VDAC1: variants seen among roughly 807,000 people sequenced by gnomAD.
The protein encoded by VDAC1 is non-selective voltage-gated ion channel VDAC1.
VDAC1 carries 10 observed loss-of-function variants against 34.7 expected under a neutral mutation model. The observed-to-expected ratio is 0.29, with a 90% CI of 0.18 to 0.49. The LOEUF (loss-of-function observed/expected upper bound fraction) is 0.49. VDAC1 is among the 20% of genes least tolerant of loss of function. VDAC1 has a pLI of 0.99. For synonymous variants in VDAC1, 130 were observed against 136.0 expected (o/e 0.96, Z 0.30); for missense variants, 230 against 347.9 (o/e 0.66, Z 2.69).
rs1204836648 is a variant in VDAC1 at position 133,980,924 on chromosome 5, T to C, written c.356A>G (p.Lys119Arg). 3 of 1,614,098 alleles carry C rather than the reference T, an allele frequency of 1.9e-6. No individual in the cohort carries two copies. In the Admixed American group the frequency reaches 5.0e-5, roughly 27 times the overall value. Residue 119 changes from lysine (K) to arginine (R), a missense_variant, in exon 6 of 9, where the codon AAG becomes AGG. Transcript: ENST00000265333. Reference protein sequence around the residue: ...KKNAKIKTGYKREHINLGCDM... With the variant: ...KKNAKIKTGYRREHINLGCDM... ...GCAGCCCAGGTTAATGTGCTCCCGC[T>C]TGTACCCTGTCTTGATTTTAGCATT...
chr5:134,080,048 G>A, the VDAC1 span, among the ~76,000 whole-genome samples: 13 of 152,236 alleles, frequency 8.5e-5, no homozygotes, highest in Admixed American at 3.9e-4. Context: ...TACAGGGGAC[G>A]TGAGGCCCGG....
Position 133,972,355 on chromosome 5 carries a change from C to A in VDAC1, c.*416G>T, listed in dbSNP as rs1200769289. 1.1e-5 allele frequency: 4 copies of A among 358,508 alleles called. No individual in the cohort carries two copies. Among genetic ancestry groups the A allele is most frequent in the Non-Finnish European group, 2.0e-5 (4 of 201,228 alleles). The allele number at this position is 358,508 out of a possible 1,614,324, so 22.2% of individuals were successfully genotyped here. A position where few individuals can be genotyped will look rare whatever the true frequency, so the allele number is the denominator to read the frequency against. ...AAGATCTGTCTAAAAAAGTCCCATT[C>A]AGGTGAGTTTGTACACACCATCAAG... On this transcript the variant is annotated 3_prime_UTR_variant, in exon 9 of 9. Transcript: ENST00000265333.
the VDAC1 span, among the ~76,000 whole-genome samples, chr5:134,029,917 A>G: frequency 2.0e-5 from 3 of 152,254 alleles, no homozygotes; most frequent in Non-Finnish European, 4.4e-5. Flanking sequence ...ACTAACATCA[A>G]CTTCCTGGTT....
the VDAC1 span, among the ~76,000 whole-genome samples, chr5:134,092,432 G>A: frequency 1.3e-5 from 2 of 152,122 alleles, no homozygotes; most frequent in African/African-American, 4.8e-5. Context: ...CGGGGCACAG[G>A]CCAGCCTTGA....
the VDAC1 span, among the ~76,000 whole-genome samples, chr5:134,038,042 G>A: frequency 1.3e-5 from 2 of 152,150 alleles, no homozygotes; most frequent in Non-Finnish European, 2.9e-5. Flanking sequence ...GCCAAAGACT[G>A]GGGAAATTAT....
chr5:134,091,278 C>T, the VDAC1 span, among the ~76,000 whole-genome samples: 4 of 152,258 alleles, frequency 2.6e-5, no homozygotes, highest in African/African-American at 9.6e-5. Flanking sequence ...CCTGTCCCAC[C>T]CACATCCTTC....
chr5:134,059,557 G>A, the VDAC1 span, among the ~76,000 whole-genome samples: 2 of 152,054 alleles, frequency 1.3e-5, no homozygotes, highest in Non-Finnish European at 2.9e-5. Context: ...CCGTCGCGCT[G>A]TTTCATGAGC....
At chr5:134,007,670 A>G (rs1320346805), upstream of VDAC1, among the ~76,000 whole-genome samples, 1 of 152,166 alleles carries the variant, frequency 6.6e-6, no homozygotes, top group Non-Finnish European at 1.5e-5. Flanking sequence ...TGAGTATGGC[A>G]GAGGGGAAAA....
At chr5:134,068,097 G>A in the VDAC1 span, among the ~76,000 whole-genome samples, 1 of 151,848 alleles carries the variant, frequency 6.6e-6, no homozygotes, top group Non-Finnish European at 1.5e-5. Context: ...CAGCCTGGGC[G>A]ACAGAGGGAG....
the VDAC1 span, among the ~76,000 whole-genome samples, chr5:134,092,137 G>A: frequency 7.2e-5 from 11 of 152,194 alleles, no homozygotes; most frequent in Non-Finnish European, 1.2e-4. Flanking sequence ...TTACTAAGTG[G>A]TAGAGTGGGG....
chr5:134,078,931 G>T, the VDAC1 span, among the ~76,000 whole-genome samples: 2 of 151,288 alleles, frequency 1.3e-5, no homozygotes, highest in Non-Finnish European at 2.9e-5. Context: ...GATTACAGGC[G>T]TGAGCCACTG....
intron 5 of VDAC1, among the ~76,000 whole-genome samples, chr5:133,983,124 C>T (rs985755260): frequency 6.6e-6 from 1 of 151,728 alleles, no homozygotes; most frequent in Non-Finnish European, 1.5e-5. Context: ...TGGCCCATGC[C>T]TGTAATCCCA....
intron 1 of VDAC1, among the ~76,000 whole-genome samples, chr5:133,997,468 T>C (rs1291333687): frequency 1.3e-5 from 2 of 150,082 alleles, no homozygotes; most frequent in African/African-American, 2.5e-5. Context: ...GAGGCTGAGG[T>C]GGGCGGATCA....
the VDAC1 span, among the ~76,000 whole-genome samples, chr5:134,042,406 G>T: frequency 7.2e-5 from 11 of 152,214 alleles, no homozygotes; most frequent in Non-Finnish European, 2.9e-5. Context: ...GGGTGCCCAG[G>T]CTAGGTGACC....
chr5:134,004,701 G>A (rs1257104536), intron 1 of VDAC1, 194 bp downstream of exon 1: 3 of 151,638 alleles, frequency 2.0e-5, no homozygotes. Flanking sequence ...CTGCGACGCG[G>A]AGGCAGGGAG....
At chr5:134,083,060 C>A in the VDAC1 span, among the ~76,000 whole-genome samples, 1 of 151,992 alleles carries the variant, frequency 6.6e-6, no homozygotes, top group Non-Finnish European at 1.5e-5. Flanking sequence ...GCAATGGATG[C>A]AGATTTAGAT....
At chr5:134,086,480 G>A in the VDAC1 span, among the ~76,000 whole-genome samples, 1 of 152,176 alleles carries the variant, frequency 6.6e-6, no homozygotes, top group Non-Finnish European at 1.5e-5. Context: ...GAGACTCTGG[G>A]CCACTTAGCA....
chr5:134,051,050 C>G, the VDAC1 span, among the ~76,000 whole-genome samples: 10 of 152,330 alleles, frequency 6.6e-5, no homozygotes, highest in African/African-American at 2.2e-4. Context: ...GGGCACCTGG[C>G]CCGGGGAACC....
the VDAC1 span, among the ~76,000 whole-genome samples, chr5:134,113,519 T>C: frequency 6.6e-6 from 1 of 152,146 alleles, no homozygotes; most frequent in East Asian, 1.9e-4. Context: ...AGGCGTCCAA[T>C]ACCCGGCCCT....
Sources: gnomAD v4.1 joint callset for allele counts (sites outside exome capture counted in the v4.1 genomes callset) on GRCh38, gnomAD v4.1.1 for gene constraint, MANE v1.5 for transcripts, NCBI Gene and HGNC (gene_info 2026-07-23, HGNC 2026-07-21) for gene names.